ZW10: variants seen among roughly 807,000 people sequenced by gnomAD.
The protein encoded by ZW10 is centromere/kinetochore protein zw10 homolog.
ZW10 carries 53 observed loss-of-function variants against 87.8 expected under a neutral mutation model. The ratio of observed to expected loss-of-function variants is 0.60; its 90% confidence interval spans 0.48 to 0.76. The LOEUF (loss-of-function observed/expected upper bound fraction) is 0.76. Ranked by LOEUF, ZW10 falls within the 30% of genes least tolerant of loss-of-function variation. The probability of loss-of-function intolerance (pLI) is 0.00; values close to 1 mark genes in which losing one functional copy is unlikely to be tolerated. For synonymous variants in ZW10, 312 were observed against 329.2 expected (o/e 0.95, Z 0.57); for missense variants, 837 against 923.0 (o/e 0.91, Z 1.21).
chr11:113,768,453 T>C, intron 2 of ZW10, among the ~76,000 whole-genome samples: 1 of 152,182 alleles, frequency 6.6e-6, no homozygotes, highest in East Asian at 1.9e-4. Flanking sequence ...TAGCACAGTC[T>C]AATGTTACAC....
intron 7 of ZW10, among the ~76,000 whole-genome samples, chr11:113,751,648 G>A (rs1487015358): frequency 1.3e-5 from 2 of 152,188 alleles, no homozygotes; most frequent in African/African-American, 4.8e-5. Flanking sequence ...GCCAAGGAGG[G>A]CAGATTACAA....
intron 2 of ZW10, among the ~76,000 whole-genome samples, chr11:113,762,618 A>T (rs1953873857): frequency 1.3e-5 from 2 of 151,950 alleles, no homozygotes; most frequent in Non-Finnish European, 2.9e-5. Context: ...CCCAGGTTCA[A>T]GCAATTCTCC....
chr11:113,757,918 G>A (rs1230289950), intron 6 of ZW10, 65 bp from the exon 7 acceptor site: 2 of 1,344,964 alleles, frequency 1.5e-6, no homozygotes, highest in African/African-American at 3.0e-5. Context: ...AGGCACAGTG[G>A]CTTACATCTG....
At chr11:113,743,492 TGAA>T (rs894273874) in intron 10 of ZW10, among the ~76,000 whole-genome samples, 11 of 152,204 alleles carry the variant, frequency 7.2e-5, no homozygotes, top group Non-Finnish European at 1.6e-4. Flanking sequence ...CAACAACAAT[TGAA>T]GAACTTTTTG....
chr11:113,745,048 C>G (rs1287068003), intron 9 of ZW10, among the ~76,000 whole-genome samples: 1 of 151,680 alleles, frequency 6.6e-6, no homozygotes, highest in East Asian at 1.9e-4. Flanking sequence ...TTGGCTTAGT[C>G]TAAGAAATAA....
At chr11:113,734,720 G>C (rs1444842537) in intron 15 of ZW10, among the ~76,000 whole-genome samples, 1 of 151,968 alleles carries the variant, frequency 6.6e-6, no homozygotes, top group Non-Finnish European at 1.5e-5. Flanking sequence ...CAGAAGACTT[G>C]CTGGAGCGTG....
At chr11:113,755,121 A>C (rs1953769879) in intron 7 of ZW10, among the ~76,000 whole-genome samples, 1 of 152,240 alleles carries the variant, frequency 6.6e-6, no homozygotes, top group Non-Finnish European at 1.5e-5. Flanking sequence ...TCTGTAGCCT[A>C]TGAATCAAGG....
At chr11:113,766,714 T>TAAA (rs146609877) in intron 2 of ZW10, among the ~76,000 whole-genome samples, 3 of 123,508 alleles carry the variant, frequency 2.4e-5, no homozygotes, top group Admixed American at 9.2e-5. Context: ...TTTTAAAAAT[T>TAAA]AAAAAAAAAA....
intron 7 of ZW10, among the ~76,000 whole-genome samples, chr11:113,757,425 C>T (rs111951681): frequency 1.1e-3 from 169 of 152,212 alleles, no homozygotes; most frequent in African/African-American, 3.6e-3. Context: ...AAAATAATAT[C>T]ACAAATACAG....
At chr11:113,769,253 A>C (rs900374405) in intron 1 of ZW10, among the ~76,000 whole-genome samples, 4 of 152,160 alleles carry the variant, frequency 2.6e-5, no homozygotes, top group Admixed American at 6.5e-5. Flanking sequence ...AAAATTAAAA[A>C]AAAAAAAGGA....
At chr11:113,769,801 G>T in intron 1 of ZW10, 1 of 415,556 alleles carries the variant, frequency 2.4e-6, no homozygotes, top group Non-Finnish European at 4.6e-6. Context: ...GCTGACTTCT[G>T]ATTCCACTGC....
intron 7 of ZW10, among the ~76,000 whole-genome samples, chr11:113,755,305 A>C (rs561727067): frequency 6.6e-6 from 1 of 152,368 alleles, no homozygotes; most frequent in Admixed American, 6.5e-5. Context: ...CAAAATTAAC[A>C]GGAGTTTGGA....
chr11:113,744,285 G>T lies in ZW10; in HGVS notation c.1273-245C>A, dbSNP rs539043659. 1.7e-4 allele frequency among the ~76,000 whole-genome samples: 26 copies of T among 152,244 alleles called. No individual in the cohort carries two copies. In the East Asian group the frequency reaches 3.3e-3, roughly 19 times the overall value. On this transcript the variant is annotated intron_variant, in intron 9 of 15. Transcript: ENST00000200135. Reference sequence around the variant, plus strand: ...GCCTGTAGTCCCAGCTACTCGGGAGGCTGAGGCAGGAGAATGGCGCAAACC... The same window carrying T: ...GCCTGTAGTCCCAGCTACTCGGGAGTCTGAGGCAGGAGAATGGCGCAAACC...
chr11:113,763,695 C>T (rs1277777844), intron 2 of ZW10, among the ~76,000 whole-genome samples: 1 of 152,170 alleles, frequency 6.6e-6, no homozygotes, highest in Non-Finnish European at 1.5e-5. Flanking sequence ...CCTTTGCCCA[C>T]TTTTTGATGG....
Position 113,739,395 on chromosome 11 carries a change from GA to G in ZW10, c.1584-14del. The G allele has an allele frequency of 6.3e-7, 1 of 1,576,756 alleles. No homozygotes were observed. The highest frequency in any genetic ancestry group is 8.6e-7 in the Non-Finnish European group (1 of 1,162,906). ...TTGAAGGTTCTCCCTAGGCCAGAAGGAGGGGTAGAAAAACAAAGCAACCACC... is the reference window on the plus strand; with the variant it reads ...TTGAAGGTTCTCCCTAGGCCAGAAGGGGGGTAGAAAAACAAAGCAACCACC... On this transcript the variant is annotated splice_polypyrimidine_tract_variant and intron_variant, in intron 11 of 15. Transcript: ENST00000200135.
chr11:113,761,022 T>C, intron 2 of ZW10, 104 bp from the exon 3 acceptor site: 3 of 858,626 alleles, frequency 3.5e-6, no homozygotes, highest in Middle Eastern at 4.5e-4. Flanking sequence ...ATAATTTATG[T>C]TGAAATTTAA....
chr11:113,746,495 C>CAAAAAAAAAAAAAAAAAAAACAAAAAA (rs1953678068), intron 9 of ZW10, among the ~76,000 whole-genome samples: 1 of 105,342 alleles, frequency 9.5e-6, no homozygotes. Context: ...ACAAAACAGT[C>CAAAAAAAAAAAAAAAAAAAACAAAAAA]AAAAAAAAAA....
At chr11:113,757,399 A>G (rs1014338688) in intron 7 of ZW10, among the ~76,000 whole-genome samples, 1 of 152,198 alleles carries the variant, frequency 6.6e-6, no homozygotes, top group African/African-American at 2.4e-5. Flanking sequence ...AGAGAAGTGC[A>G]TCCTAGAATT....
At position 113,733,802 on chromosome 11, in the gene ZW10, T is replaced by C; in HGVS notation, c.2232A>G (p.Gly744=). The change falls in exon 16 of 16, where the codon GGA becomes GGG. Residue 744 remains glycine, a synonymous_variant. Transcript: ENST00000200135. ...LQEIGDRWAD[G]KGPLAAAFSS... is the part of the protein sequence containing the mutation. The stretch of plus-strand genomic sequence containing the variant: ...AGAACGCAGCTGCCAGGGGTCCTTT[T>C]CCATCTGCCCACCTGCAAAACGAAA... 6.2e-7 allele frequency: 1 copy of C among 1,605,446 alleles called. No homozygotes were observed. Among genetic ancestry groups the C allele is most frequent in the South Asian group, 1.1e-5 (1 of 90,102 alleles).
Sources: allele counts gnomAD v4.1 joint callset (sites outside exome capture counted in the v4.1 genomes callset), GRCh38; gene constraint gnomAD v4.1.1; transcripts MANE v1.5; gene names NCBI Gene and HGNC (gene_info 2026-07-23, HGNC 2026-07-21).